Variants in ST14 observed in about 807,000 individuals in gnomAD.
ST14 encodes suppressor of tumorigenicity 14 protein.
A neutral mutation model predicts 96.5 loss-of-function variants in ST14; 40 were observed. That is an observed-to-expected ratio of 0.41 (90% CI 0.32 to 0.54). The LOEUF is 0.54. ST14 is among the 20% of genes least tolerant of loss of function. ST14 has a pLI of 0.17. For missense variants in ST14, 1,066 were observed against 1,188.9 expected (o/e 0.90, Z 1.52); for synonymous variants, 506 against 492.1 (o/e 1.03, Z -0.37).
chr11:130,191,798 C>A (rs1272776991), intron 7 of ST14, among the ~76,000 whole-genome samples: 1 of 151,952 alleles, frequency 6.6e-6, no homozygotes, highest in African/African-American at 2.4e-5. Context: ...TCAGTAGGCT[C>A]CGGGGCATAG....
chr11:130,189,499 C>T, intron 4 of ST14: 1 of 582,326 alleles, frequency 1.7e-6, no homozygotes, highest in Non-Finnish European at 3.0e-6. Context: ...TCATTCCTAC[C>T]CCTGAGCAGC....
intron 11 of ST14, 36 bp from the exon 12 acceptor site, chr11:130,197,805 G>T: frequency 6.6e-7 from 1 of 1,508,898 alleles, no homozygotes; most frequent in East Asian, 2.5e-5. Context: ...GGAGGTGGGT[G>T]GGTGCTGGGG....
At position 130,209,452 on chromosome 11, in the gene ST14, G is replaced by T; in HGVS notation, c.2280G>T (p.Ala760=). ...CTGCCCTCTCCCCAGGCACTGGCGC[G>T]CTGATCCTGCAAAAGGGTGAGATCC... ...WGHTQYGGTG[A]LILQKGEIRV... Residue 760 remains alanine, a synonymous_variant, in exon 18 of 19, where the codon GCG becomes GCT. Transcript: ENST00000278742. 1 of 1,583,510 alleles carries T rather than the reference G, an allele frequency of 6.3e-7. No homozygotes were observed. Among genetic ancestry groups the T allele is most frequent in the South Asian group, 1.2e-5 (1 of 86,756 alleles).
Position 130,189,884 on chromosome 11 carries a change from G to C in ST14, c.586G>C (p.Val196Leu). The stretch of plus-strand genomic sequence containing the variant: ...CCTGAAGTCCTTTGTGGTCACCTCA[G>C]TGGTGGCTTTCCGTGAGTCCGAGGG... Reference protein sequence around the residue: ...RSLKSFVVTSVVAFPTDSKTV... With the variant: ...RSLKSFVVTSLVAFPTDSKTV... Residue 196 changes from valine to leucine, a missense_variant, in exon 5 of 19, where the codon GTG becomes CTG. Coordinates refer to ENST00000278742, the MANE Select transcript of ST14 (RefSeq NM_021978.4). 1 of 1,613,764 alleles carries C rather than the reference G, an allele frequency of 6.2e-7. No homozygotes were observed. The highest frequency in any genetic ancestry group is 8.5e-7 in the Non-Finnish European group (1 of 1,179,928).
chr11:130,203,043 G>T (rs1161000867), intron 16 of ST14, among the ~76,000 whole-genome samples: 1 of 152,192 alleles, frequency 6.6e-6, no homozygotes, highest in Non-Finnish European at 1.5e-5. Flanking sequence ...GGCTGAGTCT[G>T]CTGATAGAAT....
chr11:130,194,149 G>A lies in ST14; in HGVS notation c.876G>A (p.Gln292=), dbSNP rs140804297. ...LSPMEPHALV[Q]LCGTYPPSYN... is the part of the protein sequence containing the mutation. ...TAATGCCCGCCCTCTGCCCCCACAG[G>A]TTGTGTGGCACCTACCCTCCCTCCT... The change falls in exon 8 of 19, where the codon CAG becomes CAA. Residue 292 remains glutamine (Q), a splice_region_variant and synonymous_variant. Transcript: ENST00000278742. 1 of 1,614,184 alleles carries A rather than the reference G, an allele frequency of 6.2e-7. No individual in the cohort carries two copies. The highest frequency in any genetic ancestry group is 2.2e-5 in the East Asian group (1 of 44,870).
At chr11:130,197,791 G>A (rs1165374033) in intron 11 of ST14, 50 bp from the exon 12 acceptor site, 18 of 1,467,034 alleles carry the variant, frequency 1.2e-5, no homozygotes, top group African/African-American at 8.3e-5. Flanking sequence ...GGGAGCCAGC[G>A]GAGGGAGGTG....
chr11:130,160,267 A>G (rs917969949), intron 1 of ST14, among the ~76,000 whole-genome samples: 2 of 144,058 alleles, frequency 1.4e-5, no homozygotes, highest in Admixed American at 1.4e-4. Context: ...GCGCCCCGCC[A>G]GGGGGAGGCG....
At chr11:130,161,803 G>C (rs932573519) in intron 1 of ST14, among the ~76,000 whole-genome samples, 1 of 152,204 alleles carries the variant, frequency 6.6e-6, no homozygotes, top group African/African-American at 2.4e-5. Context: ...TAGTCCCATG[G>C]GTGAAGGGAA....
chr11:130,193,693 C>G (rs899196724), intron 7 of ST14, among the ~76,000 whole-genome samples: 1 of 152,228 alleles, frequency 6.6e-6, no homozygotes, highest in Non-Finnish European at 1.5e-5. Context: ...CGGTCTCGAA[C>G]TCCTGACCTC....
intron 16 of ST14, among the ~76,000 whole-genome samples, chr11:130,208,194 G>C (rs558451267): frequency 1.3e-5 from 2 of 152,238 alleles, no homozygotes; most frequent in Admixed American, 1.3e-4. Context: ...TCAAGGAAGG[G>C]GGGGTAAAGA....
rs150984123 is a variant in ST14 at position 130,189,806 on chromosome 11, G to C, written c.508G>C (p.Glu170Gln). The change falls in exon 5 of 19, where the codon GAG becomes CAG. Residue 170 changes from glutamate to glutamine, a missense_variant. By Grantham distance (29) the Glu-to-Gln change is conservative. Coordinates refer to ENST00000278742, the MANE Select transcript of ST14 (RefSeq NM_021978.4). ...CCCGCAGCACCTGGTGGAGGAGGCC[G>C]AGCGCGTCATGGCCGAGGAGCGCGT... The part of the protein sequence containing the change: ...SIPQHLVEEA[E>Q]RVMAEERVVM... 1 of 1,613,876 alleles carries C rather than the reference G, an allele frequency of 6.2e-7. No individual in the cohort carries two copies. The highest frequency in any genetic ancestry group is 8.5e-7 in the Non-Finnish European group (1 of 1,179,960).
In ST14 at chr11:130,196,560, C is replaced by CT. The variant is rs1434245305; in HGVS notation, c.1224-10_1224-9insT. On this transcript the variant is annotated splice_polypyrimidine_tract_variant and intron_variant, in intron 10 of 18. Coordinates refer to ENST00000278742, the MANE Select transcript of ST14 (RefSeq NM_021978.4). The stretch of plus-strand genomic sequence containing the variant: ...GTCCCTCCTCACCTTGTGCCCCGCC[C>CT]CCCCTCCAGATACTGCGGAGAGAGG... 15 of 1,609,692 alleles carry CT rather than the reference C, an allele frequency of 9.3e-6. No individual in the cohort carries two copies. Among genetic ancestry groups the CT allele is most frequent in the Non-Finnish European group, 1.2e-5 (14 of 1,176,118 alleles).
chr11:130,177,119 C>T (rs1470416844), intron 1 of ST14, among the ~76,000 whole-genome samples: 1 of 151,748 alleles, frequency 6.6e-6, no homozygotes, highest in Non-Finnish European at 1.5e-5. Context: ...TTTTAGGGTC[C>T]TCAAGTCTGA....
At chr11:130,203,714 G>A (rs1384838208) in intron 16 of ST14, among the ~76,000 whole-genome samples, 1 of 151,942 alleles carries the variant, frequency 6.6e-6, no homozygotes, top group African/African-American at 2.4e-5. Context: ...GTGCAATGGC[G>A]CGATCTCAGC....
chr11:130,195,769 C>T (rs1953354815), intron 9 of ST14, among the ~76,000 whole-genome samples: 1 of 151,678 alleles, frequency 6.6e-6, no homozygotes, highest in Non-Finnish European at 1.5e-5. Flanking sequence ...AGGAAAGTAG[C>T]TTGAACCCGG....
intron 7 of ST14, among the ~76,000 whole-genome samples, chr11:130,191,505 C>G (rs553924657): frequency 6.6e-6 from 1 of 151,592 alleles, no homozygotes; most frequent in Non-Finnish European, 1.5e-5. Context: ...GTCAAGCCAA[C>G]CTGGTGAAAC....
At chr11:130,163,458 A>G (rs947607857) in intron 1 of ST14, among the ~76,000 whole-genome samples, 16 of 152,326 alleles carry the variant, frequency 1.1e-4, no homozygotes, top group Admixed American at 1.0e-3. Context: ...TATGTTGCCC[A>G]GGCTGGACTC....
rs530997555 is a variant in ST14, at chr11:130,193,020, G to A, written c.876-1129G>A. ...TCTCAGTTTCCTCACCTCTGAGATA[G>A]GGGTAATAGTATCTACTTCATAGAG... On this transcript the variant is annotated intron_variant, in intron 7 of 18. Coordinates refer to ENST00000278742, the MANE Select transcript of ST14 (RefSeq NM_021978.4). Among the ~76,000 whole-genome samples, 16 of 152,192 alleles carry A rather than the reference G, an allele frequency of 1.1e-4. No homozygotes were observed. In the East Asian group the frequency reaches 1.7e-3, roughly 17 times the overall value.
Sources: gnomAD v4.1 joint callset for allele counts (sites outside exome capture counted in the v4.1 genomes callset) on GRCh38, gnomAD v4.1.1 for gene constraint, MANE v1.5 for transcripts, NCBI Gene and HGNC (gene_info 2026-07-23, HGNC 2026-07-21) for gene names.